MTIF2: variants seen among roughly 807,000 people sequenced by gnomAD.
MTIF2 encodes translation initiation factor IF-2, mitochondrial.
MTIF2 carries 71 observed loss-of-function variants against 83.5 expected under a neutral mutation model. The observed-to-expected ratio is 0.85, with a 90% CI of 0.70 to 1.04. The LOEUF (loss-of-function observed/expected upper bound fraction) is 1.04, where lower values mean the gene tolerates loss of function less well. Ranked by LOEUF, MTIF2 falls within the 50% of genes least tolerant of loss-of-function variation. The pLI, the probability that MTIF2 is intolerant of heterozygous loss-of-function variation, is 0.00. For synonymous variants in MTIF2, 319 were observed against 287.1 expected (o/e 1.11, Z -1.12); for missense variants, 957 against 846.5 (o/e 1.13, Z -1.62).
chr2:55,256,687 C>G (rs113278511), intron 5 of MTIF2, among the ~76,000 whole-genome samples: 1 of 141,388 alleles, frequency 7.1e-6, no homozygotes, highest in African/African-American at 2.6e-5. Context: ...GGTGACAGAG[C>G]GAGACTCCAT....
At chr2:55,268,183 G>A (rs1409600835) in intron 2 of MTIF2, among the ~76,000 whole-genome samples, 1 of 151,970 alleles carries the variant, frequency 6.6e-6, no homozygotes, top group African/African-American at 2.4e-5. Context: ...AACCCAGGAG[G>A]CAGAGACTGC....
chr2:55,262,520 T>C, intron 4 of MTIF2, 93 bp from the exon 5 acceptor site: 1 of 596,308 alleles, frequency 1.7e-6, no homozygotes, highest in Non-Finnish European at 2.9e-6. Flanking sequence ...CAATCATAGC[T>C]ACATTTCTTT....
chr2:55,262,420 CCTT>C lies in MTIF2; in HGVS notation c.224_226del (p.Glu75del), dbSNP rs768327707. 1 of 1,601,614 alleles carries C rather than the reference CCTT, an allele frequency of 6.2e-7. No homozygotes were observed. The highest frequency in any genetic ancestry group is 1.7e-5 in the Admixed American group (1 of 57,504). ...TGAAGATAACTGAGATTTCCATGGTCCTTCTTCCTATTAAAAAAATCAGAACAT... is the reference window on the plus strand; with the variant it reads ...TGAAGATAACTGAGATTTCCATGGTCCTTCCTATTAAAAAAATCAGAACAT... On this transcript the variant is annotated inframe_deletion, in exon 5 of 16. Coordinates refer to ENST00000263629, the MANE Select transcript of MTIF2 (RefSeq NM_002453.3).
chr2:55,254,121 G>A lies in MTIF2; in HGVS notation c.584C>T (p.Thr195Ile). 1 of 1,614,158 alleles carries A rather than the reference G, an allele frequency of 6.2e-7. No homozygotes were observed. ...IMGHVDHGKT[T>I]LLDKFRKTQV... ...AGTTTTTCGAAATTTGTCAAGTAAT[G>A]TCGTTTTCCCGTGATCAACATGGCC... is the stretch of plus-strand genomic sequence containing the variant. The change falls in exon 7 of 16, where the codon ACA becomes ATA. Residue 195 changes from threonine to isoleucine, a missense_variant. Thr to Ile is a moderately conservative substitution (Grantham distance 89, BLOSUM62 -1). This residue lies in a region of MTIF2 where 733 missense variants were observed against 648.7 expected (regional missense o/e 1.13). Transcript: ENST00000263629.
intron 8 of MTIF2, 138 bp downstream of exon 8, chr2:55,252,339 A>G: frequency 1.3e-6 from 1 of 742,198 alleles, no homozygotes; most frequent in Non-Finnish European, 2.2e-6. Flanking sequence ...TCTGTGGGAA[A>G]ACAATTTATC....
intron 14 of MTIF2, among the ~76,000 whole-genome samples, chr2:55,237,753 C>T (rs1433702408): frequency 1.4e-5 from 2 of 142,130 alleles, no homozygotes; most frequent in Non-Finnish European, 3.0e-5. Context: ...GGGGTTTAAG[C>T]GATTCTCATG....
intron 5 of MTIF2, among the ~76,000 whole-genome samples, chr2:55,255,177 T>C (rs188154147): frequency 2.3e-4 from 35 of 151,380 alleles, no homozygotes; most frequent in Non-Finnish European, 2.7e-4. Flanking sequence ...TATACACGAA[T>C]GTGTGTGTGT....
intron 13 of MTIF2, among the ~76,000 whole-genome samples, chr2:55,242,590 A>T (rs1268153659): frequency 6.6e-6 from 1 of 152,220 alleles, no homozygotes; most frequent in East Asian, 1.9e-4. Context: ...AGTGTTAGGA[A>T]CATTCAGAAG....
intron 8 of MTIF2, among the ~76,000 whole-genome samples, chr2:55,250,572 T>A (rs1451123687): frequency 2.6e-5 from 4 of 152,350 alleles, no homozygotes; most frequent in Non-Finnish European, 4.4e-5. Flanking sequence ...TTAGGACTTA[T>A]ACTATTTATT....
rs1206278658 is a variant in MTIF2, at chr2:55,244,185, A to G, written c.1155T>C (p.Ser385=). ...IIQRGTLRKG[S]VLVAGKCWAK... ...CCCAACATTTTCCAGCAACCAGAACAGAGCCTTTTCTTAAAGTTCCTCTTT... is the reference window on the plus strand; with the variant it reads ...CCCAACATTTTCCAGCAACCAGAACGGAGCCTTTTCTTAAAGTTCCTCTTT... Residue 385 remains serine (S), a synonymous_variant, in exon 11 of 16, where the codon TCT becomes TCC. Coordinates refer to ENST00000263629, the MANE Select transcript of MTIF2 (RefSeq NM_002453.3). The G allele has an allele frequency of 1.2e-6, 2 of 1,614,036 alleles. No individual in the cohort carries two copies. Among genetic ancestry groups the G allele is most frequent in the Non-Finnish European group, 1.7e-6 (2 of 1,180,008 alleles).
At chr2:55,264,922 C>G (rs2104475945) in intron 3 of MTIF2, among the ~76,000 whole-genome samples, 1 of 152,090 alleles carries the variant, frequency 6.6e-6, no homozygotes, top group South Asian at 2.1e-4. Flanking sequence ...TTTTTAAGGA[C>G]AGGAACGACA....
chr2:55,263,550 C>G (rs544035167), intron 4 of MTIF2, 90 bp downstream of exon 4: 2 of 961,278 alleles, frequency 2.1e-6, no homozygotes, highest in South Asian at 1.6e-5. Flanking sequence ...GCGTAGGTTG[C>G]GGTGAGCTGA....
At position 55,265,383 on chromosome 2, in the gene MTIF2, C is replaced by T. The variant is rs144093558; in HGVS notation, c.-7-1518G>A. 4.4e-4 allele frequency among the ~76,000 whole-genome samples: 66 copies of T among 151,348 alleles called. 1 individual carries two copies. The East Asian group carries it at 5.9e-3, about 13-fold the overall frequency. ...TTCCATTCCACAAACAGTTCATTGT[C>T]GTTAAAGCAAGCTTGCCAATACAAT... On this transcript the variant is annotated intron_variant, in intron 3 of 15. Transcript: ENST00000263629.
At chr2:55,268,922 G>C (rs761403307) in intron 1 of MTIF2, 183 bp from the exon 2 acceptor site, 16 of 152,334 alleles carry the variant, frequency 1.1e-4, no homozygotes, top group Non-Finnish European at 2.1e-4. Flanking sequence ...GGGAAGTGAG[G>C]ACCTGCACCC....
intron 3 of MTIF2, among the ~76,000 whole-genome samples, chr2:55,265,141 G>T (rs189721009): frequency 6.6e-6 from 1 of 151,578 alleles, no homozygotes; most frequent in Non-Finnish European, 1.5e-5. Context: ...TACCCAGAAG[G>T]CTGAGGCAGG....
intron 5 of MTIF2, among the ~76,000 whole-genome samples, chr2:55,256,830 C>T (rs1356175722): frequency 2.6e-5 from 4 of 151,908 alleles, no homozygotes; most frequent in Admixed American, 1.3e-4. Context: ...GCCTCGGCCT[C>T]CGTTATAGCT....
chr2:55,252,720 A>G, intron 7 of MTIF2, 67 bp from the exon 8 acceptor site: 4 of 1,096,712 alleles, frequency 3.6e-6, no homozygotes, highest in Non-Finnish European at 5.2e-6. Flanking sequence ...CAAAGAATAT[A>G]TGCGACATTA....
In MTIF2 at chr2:55,254,714, T is replaced by A. The variant is rs1677379541; in HGVS notation, c.443A>T (p.Lys148Met). Reference sequence around the variant, plus strand: ...CTGTTTTAATTTACTCCACTTTAACTTCATCCCTGCCTTCGTTATCACTTC... The same window carrying A: ...CTGTTTTAATTTACTCCACTTTAACATCATCCCTGCCTTCGTTATCACTTC... ...IKEVITKAGMKLKWSKLKQDK... is the reference protein window; with the variant it reads ...IKEVITKAGMMLKWSKLKQDK... Residue 148 changes from lysine (K) to methionine (M), a missense_variant, in exon 6 of 16, where the codon AAG (lysine) becomes ATG (methionine). Lys to Met is a moderately conservative substitution (Grantham distance 95). This residue lies in a region of MTIF2 where 733 missense variants were observed against 648.7 expected (regional missense o/e 1.13). Transcript: ENST00000263629. The A allele has an allele frequency of 6.2e-7, 1 of 1,610,494 alleles. No homozygotes were observed. Among genetic ancestry groups the A allele is most frequent in the Non-Finnish European group, 8.5e-7 (1 of 1,178,614 alleles).
At position 55,237,334 on chromosome 2, in the gene MTIF2, T is replaced by C. The variant is rs760811941; in HGVS notation, c.1965A>G (p.Lys655=). Residue 655 remains lysine (K), a synonymous_variant, in exon 15 of 16, where the codon AAA becomes AAG. Transcript: ENST00000263629. ...TACGGGTTAGTTTAAATTTTTTTTGTTTTTCTAACTGTCCCTTTTGGACTC... is the reference window on the plus strand; with the variant it reads ...TACGGGTTAGTTTAAATTTTTTTTGCTTTTCTAACTGTCCCTTTTGGACTC... ...GCRVQKGQLE[K]QKKFKLTRNG... The C allele has an allele frequency of 6.2e-7, 1 of 1,612,938 alleles. No individual in the cohort carries two copies. Among genetic ancestry groups the C allele is most frequent in the South Asian group, 1.1e-5 (1 of 90,924 alleles).
Sources: gnomAD v4.1 joint callset for allele counts (sites outside exome capture counted in the v4.1 genomes callset) on GRCh38, gnomAD v4.1.1 for gene constraint, gnomAD v4.1.1 regional missense constraint, MANE v1.5 for transcripts, NCBI Gene and HGNC (gene_info 2026-07-23, HGNC 2026-07-21) for gene names.